Variants in COL23A1 observed in about 807,000 individuals in gnomAD.
The protein encoded by COL23A1 is collagen alpha-1(XXIII) chain.
Under a neutral mutation model 99.3 loss-of-function variants are expected in COL23A1, and 97 were observed. That is an observed-to-expected ratio of 0.98 (90% confidence interval 0.83 to 1.16). The LOEUF (loss-of-function observed/expected upper bound fraction) is 1.16, where lower values mean the gene tolerates loss of function less well. Among genes scored for constraint, COL23A1 ranks in the 50% most tolerant of loss-of-function variants. The pLI is 0.00. For synonymous variants in COL23A1, 320 were observed against 308.2 expected (o/e 1.04, Z -0.40); for missense variants, 762 against 757.4 (o/e 1.01, Z -0.07).
intron 2 of COL23A1, among the ~76,000 whole-genome samples, chr5:178,557,798 G>A (rs1265075810): frequency 6.6e-6 from 1 of 152,126 alleles, no homozygotes; most frequent in African/African-American, 2.4e-5. Flanking sequence ...TTGGAGACAG[G>A]GCCTCTGTTC....
chr5:178,365,136 C>CGTGTGT lies in COL23A1; in HGVS notation c.362-58223_362-58218dup, dbSNP rs55995523. On this transcript the variant is annotated intron_variant, in intron 2 of 28. Coordinates refer to ENST00000390654, the MANE Select transcript of COL23A1 (RefSeq NM_173465.4). The surrounding 1 kb of genome is among the most constrained non-coding windows in gnomAD (Gnocchi z 5.2). ...GGGCTTTATGATGTTGCTGTGTGTG[C>CGTGTGT]GTGTGTGTGTGTGTGTGTGTGTGTG... Among the ~76,000 whole-genome samples the CGTGTGT allele has an allele frequency of 0.038, 5,656 of 147,876 alleles. 131 individuals carry two copies. Among genetic ancestry groups the CGTGTGT allele is most frequent in the Non-Finnish European group, 0.05 (3,332 of 66,912 alleles).
intron 2 of COL23A1, among the ~76,000 whole-genome samples, chr5:178,348,558 C>T (rs748083): frequency 6.6e-6 from 1 of 152,180 alleles, no homozygotes; most frequent in East Asian, 1.9e-4. Flanking sequence ...CAGGCATACC[C>T]TCACAGCGGC....
At chr5:178,383,869 C>A (rs1245085166) in intron 2 of COL23A1, among the ~76,000 whole-genome samples, 5 of 139,582 alleles carry the variant, frequency 3.6e-5, no homozygotes, top group Non-Finnish European at 1.5e-5. Flanking sequence ...GCAAACCTTA[C>A]GACAGAAATA....
intron 2 of COL23A1, among the ~76,000 whole-genome samples, chr5:178,536,245 G>A (rs1388239849): frequency 2.0e-5 from 3 of 152,222 alleles, no homozygotes; most frequent in Non-Finnish European, 2.9e-5. Context: ...TGGCTTCCCC[G>A]GTCTGCCTGC....
chr5:178,455,762 C>A (rs780797018), intron 2 of COL23A1, among the ~76,000 whole-genome samples: 1 of 152,064 alleles, frequency 6.6e-6, no homozygotes. Flanking sequence ...GAGGTCAGAG[C>A]GGAGGACCAG....
At chr5:178,484,501 T>C (rs754115794) in intron 2 of COL23A1, among the ~76,000 whole-genome samples, 8 of 152,066 alleles carry the variant, frequency 5.3e-5, no homozygotes, top group Non-Finnish European at 1.2e-4. Flanking sequence ...TTTATGTGAC[T>C]AGTGTGTCTG....
chr5:178,364,013 C>A (rs948368848), intron 2 of COL23A1, among the ~76,000 whole-genome samples: 1 of 152,222 alleles, frequency 6.6e-6, no homozygotes, highest in Non-Finnish European at 1.5e-5. Flanking sequence ...CCCCATCAGA[C>A]CCCTCCACCT....
intron 2 of COL23A1, among the ~76,000 whole-genome samples, chr5:178,440,351 C>T (rs1766795819): frequency 6.6e-6 from 1 of 152,160 alleles, no homozygotes; most frequent in Non-Finnish European, 1.5e-5. Flanking sequence ...CTCATAACCA[C>T]CGCCAGCTTC....
At chr5:178,392,376 T>C (rs1233859013) in intron 2 of COL23A1, among the ~76,000 whole-genome samples, 1 of 152,214 alleles carries the variant, frequency 6.6e-6, no homozygotes, top group East Asian at 1.9e-4. Context: ...ATGCACCTAC[T>C]GCATTCCCAT....
intron 2 of COL23A1, among the ~76,000 whole-genome samples, chr5:178,508,755 T>C (rs538406246): frequency 4.8e-4 from 73 of 152,256 alleles, no homozygotes; most frequent in Admixed American, 1.8e-3. Context: ...AACAAGTGCA[T>C]CTGGCGAGGC....
intron 3 of COL23A1, among the ~76,000 whole-genome samples, chr5:178,304,762 C>G (rs539656909): frequency 3.0e-4 from 45 of 152,286 alleles, no homozygotes; most frequent in African/African-American, 1.1e-3. Context: ...TCCTGCCCAC[C>G]CCTTGGCCAG....
rs56269929 is a variant in COL23A1 at position 178,309,942 on chromosome 5, G to T, written c.362-3023C>A. On this transcript the variant is annotated intron_variant, in intron 2 of 28. Transcript: ENST00000390654. The surrounding 1 kb of genome is among the most constrained non-coding windows in gnomAD (Gnocchi z 4.7). ...ATGTGTGTTCAGGGGAGGAAGGGCG[G>T]GGGGGAGAGGGAGGGAGGGAGAAGG... Among the ~76,000 whole-genome samples, 85,515 of 142,008 alleles carry T rather than the reference G, an allele frequency of 0.6. 25,327 individuals carry two copies. The highest frequency in any genetic ancestry group is 0.68 in the Non-Finnish European group (45,189 of 66,910). The allele number at this position is 142,008 out of a possible 152,430, so 93.2% of individuals were successfully genotyped here.
chr5:178,247,724 C>T, intron 21 of COL23A1, 51 bp downstream of exon 21: 1 of 1,590,666 alleles, frequency 6.3e-7, no homozygotes, highest in Non-Finnish European at 8.6e-7. Flanking sequence ...CCCCACCCCG[C>T]CTCTTGGTTT....
At chr5:178,264,310 A>T (rs932955283) in intron 8 of COL23A1, among the ~76,000 whole-genome samples, 7 of 150,468 alleles carry the variant, frequency 4.7e-5, no homozygotes, top group African/African-American at 1.5e-4. Flanking sequence ...AATTACATGT[A>T]AATCTACAAT....
rs917499249 is a variant in COL23A1, at chr5:178,366,743, C to T, written c.362-59824G>A. Among the ~76,000 whole-genome samples the T allele has an allele frequency of 3.3e-5, 5 of 152,216 alleles. No individual in the cohort carries two copies. Among genetic ancestry groups the T allele is most frequent in the Non-Finnish European group, 5.9e-5 (4 of 68,050 alleles). On this transcript the variant is annotated intron_variant, in intron 2 of 28. Transcript: ENST00000390654. The surrounding 1 kb of genome is among the most constrained non-coding windows in gnomAD (Gnocchi z 4.4). ...CCTCGCCGGAAGCACGTTCCTCCTC[C>T]GTGCCTGTGCTTCTGCTGGTCTAAA...
chr5:178,329,891 T>C (rs1263273145), intron 2 of COL23A1, among the ~76,000 whole-genome samples: 6 of 150,962 alleles, frequency 4.0e-5, no homozygotes, highest in African/African-American at 1.5e-4. Context: ...GAGCCGAGAT[T>C]GCGCCACTGC....
intron 2 of COL23A1, among the ~76,000 whole-genome samples, chr5:178,510,719 T>C (rs1042744260): frequency 1.3e-4 from 20 of 151,404 alleles, no homozygotes; most frequent in African/African-American, 4.4e-4. Context: ...GAAAAGAAAA[T>C]AAAACACATT....
At chr5:178,262,628 T>C (rs1231003304) in intron 9 of COL23A1, among the ~76,000 whole-genome samples, 2 of 152,076 alleles carry the variant, frequency 1.3e-5, no homozygotes, top group Non-Finnish European at 2.9e-5. Flanking sequence ...GGATGGGGCC[T>C]GGCCTCTAGA....
intron 2 of COL23A1, among the ~76,000 whole-genome samples, chr5:178,550,233 A>G (rs1761930027): frequency 6.6e-6 from 1 of 152,252 alleles, no homozygotes; most frequent in Admixed American, 6.5e-5. Context: ...TTTTCTGTCT[A>G]TACAGAAAAT....
Sources: gnomAD v4.1 joint callset for allele counts (sites outside exome capture counted in the v4.1 genomes callset) on GRCh38, gnomAD v4.1.1 for gene constraint, Gnocchi (gnomAD v3.1) non-coding constraint, MANE v1.5 for transcripts, NCBI Gene and HGNC (gene_info 2026-07-23, HGNC 2026-07-21) for gene names.